AMTN: variants seen among roughly 807,000 people sequenced by gnomAD.
The protein encoded by AMTN is amelotin, also known as RSTI689.
Under a neutral mutation model 27.4 loss-of-function variants are expected in AMTN, and 29 were observed. The ratio of observed to expected loss-of-function variants is 1.06; its 90% CI spans 0.79 to 1.44. The LOEUF (loss-of-function observed/expected upper bound fraction) is 1.44. Among genes scored for constraint, AMTN ranks in the 40% most tolerant of loss-of-function variants. AMTN has a pLI of 0.00. For synonymous variants in AMTN, 86 were observed against 95.7 expected (o/e 0.90, Z 0.59); for missense variants, 247 against 248.8 (o/e 0.99, Z 0.05).
In AMTN at chr4:70,524,879, C is replaced by G; in HGVS notation, c.212C>G (p.Pro71Arg). Residue 71 changes from proline to arginine, a missense_variant, in exon 5 of 9, where the codon CCT becomes CGT. Pro to Arg is a moderately radical substitution (Grantham distance 103). Coordinates refer to ENST00000339336, the MANE Select transcript of AMTN (RefSeq NM_212557.4). The part of the protein sequence containing the change: ...TLGPDLHLLN[P>R]AAGMTPGTQT... ...TTCTTCCTTGCCCTACAGTTAAATC[C>G]TGCTGCAGGAATGACACCTGGTACC... The G allele has an allele frequency of 6.2e-7, 1 of 1,613,950 alleles. No individual in the cohort carries two copies.
chr4:70,527,486 T>C (rs955477446), intron 5 of AMTN, among the ~76,000 whole-genome samples: 2 of 152,324 alleles, frequency 1.3e-5, no homozygotes, highest in East Asian at 3.9e-4. Context: ...GTTGGGTTTT[T>C]TGTTCTTGTT....
rs755370450 is a variant in AMTN at position 70,531,080 on chromosome 4, G to A, written c.399G>A (p.Pro133=). The A allele has an allele frequency of 1.6e-5, 26 of 1,613,844 alleles. No individual in the cohort carries two copies. Among genetic ancestry groups the A allele is most frequent in the Admixed American group, 6.7e-5 (4 of 59,982 alleles). ...FTSLIIHSLF[P]GGILPTSQAG... ...GCCTCATCATCCATTCCTTGTTCCC[G>A]GGAGGCATCCTGCCCACCAGTCAGG... The change falls in exon 8 of 9, where the codon CCG becomes CCA. Residue 133 remains proline (P), a synonymous_variant. Coordinates refer to ENST00000339336, the MANE Select transcript of AMTN (RefSeq NM_212557.4).
At position 70,524,754 on chromosome 4, in the gene AMTN, G is replaced by A. The variant is rs186035530; in HGVS notation, c.205-118G>A. ...AAGTATACATGCAATAGAACACTATGTATTTACATAGCAACTCCTTCCTTT... is the reference window on the plus strand; with the variant it reads ...AAGTATACATGCAATAGAACACTATATATTTACATAGCAACTCCTTCCTTT... On this transcript the variant is annotated intron_variant, in intron 4 of 8. Coordinates refer to ENST00000339336, the MANE Select transcript of AMTN (RefSeq NM_212557.4). The A allele has an allele frequency of 5.8e-3, 5,189 of 901,526 alleles. 27 individuals carry two copies. Among genetic ancestry groups the A allele is most frequent in the Non-Finnish European group, 7.9e-3 (4,435 of 561,878 alleles). 55.8% of individuals were successfully genotyped at this position (901,526 alleles called of 1,614,324 possible).
chr4:70,528,141 C>T (rs1023671161), intron 5 of AMTN, among the ~76,000 whole-genome samples: 2 of 152,020 alleles, frequency 1.3e-5, no homozygotes, highest in Non-Finnish European at 2.9e-5. Flanking sequence ...TTGGAGACTT[C>T]TTGAGAACAA....
At position 70,528,710 on chromosome 4, in the gene AMTN, C is replaced by T. The variant is rs1450357170; in HGVS notation, c.295-13C>T. ...AGCTTACTTTTGAAAGAGTTTTTCT[C>T]TCATTTTTTCAGGTGTTACCAATTT... On this transcript the variant is annotated splice_polypyrimidine_tract_variant and intron_variant, in intron 5 of 8. Coordinates refer to ENST00000339336, the MANE Select transcript of AMTN (RefSeq NM_212557.4). The T allele has an allele frequency of 6.2e-7, 1 of 1,606,672 alleles. No homozygotes were observed. Among genetic ancestry groups the T allele is most frequent in the Non-Finnish European group, 8.5e-7 (1 of 1,176,896 alleles).
intron 7 of AMTN, among the ~76,000 whole-genome samples, chr4:70,530,556 ATCTC>A (rs1391041621): frequency 6.6e-6 from 1 of 152,194 alleles, no homozygotes; most frequent in Non-Finnish European, 1.5e-5. Flanking sequence ...CTCGATCAGA[ATCTC>A]TCTAAAAATG....
At chr4:70,523,835 C>T in intron 3 of AMTN, 33 bp from the exon 4 acceptor site, 2 of 1,569,692 alleles carry the variant, frequency 1.3e-6, no homozygotes, top group Non-Finnish European at 1.8e-6. Flanking sequence ...CAGACAACCT[C>T]TTGTCTCATA....
In AMTN at chr4:70,524,953, C is replaced by A; in HGVS notation, c.286C>A (p.His96Asn). The change falls in exon 5 of 9, where the codon CAC becomes AAC. Residue 96 changes from histidine (H) to asparagine (N), a missense_variant. Coordinates refer to ENST00000339336, the MANE Select transcript of AMTN (RefSeq NM_212557.4). ...AGGGTTGAATGTACAACAGCAACTG[C>A]ACCCACATGTAAGTTGAACAGCTGG... ...LGGLNVQQQLHPHVLPIFVTQ... is the reference protein window; with the variant it reads ...LGGLNVQQQLNPHVLPIFVTQ... The A allele has an allele frequency of 6.2e-7, 1 of 1,613,808 alleles. No individual in the cohort carries two copies. The highest frequency in any genetic ancestry group is 8.5e-7 in the Non-Finnish European group (1 of 1,179,734).
chr4:70,529,249 T>G (rs1736164504), intron 7 of AMTN, 39 bp downstream of exon 7: 1 of 1,447,450 alleles, frequency 6.9e-7, no homozygotes, highest in Non-Finnish European at 9.3e-7. Context: ...TTATTTTCAC[T>G]TCTATCACAA....
At chr4:70,519,914 G>GTA (rs1735915755) in intron 2 of AMTN, among the ~76,000 whole-genome samples, 1 of 61,072 alleles carries the variant, frequency 1.6e-5, no homozygotes, top group African/African-American at 4.1e-5. Context: ...TACTACATAC[G>GTA]TGTGTGTGTG....
chr4:70,529,097 T>C (rs1203898714), intron 6 of AMTN, 87 bp from the exon 7 acceptor site: 1 of 1,180,364 alleles, frequency 8.5e-7, no homozygotes, highest in African/African-American at 1.6e-5. Context: ...TTTGAAAGTA[T>C]TTTAAGTTTT....
rs763143860 is a variant in AMTN, at chr4:70,521,640, CTT to C, written c.55-1080_55-1079del. On this transcript the variant is annotated intron_variant, in intron 2 of 8. Coordinates refer to ENST00000339336, the MANE Select transcript of AMTN (RefSeq NM_212557.4). ...CCTAGAACAGATAATACCAACCTCTCTTTTTTTTTTTTTTTTTTTTTTTTTTT... is the reference window on the plus strand; with the variant it reads ...CCTAGAACAGATAATACCAACCTCTCTTTTTTTTTTTTTTTTTTTTTTTTT... Among the ~76,000 whole-genome samples, 57 of 76,484 alleles carry C rather than the reference CTT, an allele frequency of 7.5e-4. 5 individuals are homozygous for C. The highest frequency in any genetic ancestry group is 8.8e-3 in the Middle Eastern group (1 of 114). 50.2% of individuals were successfully genotyped at this position (76,484 alleles called of 152,430 possible).
intron 5 of AMTN, among the ~76,000 whole-genome samples, chr4:70,526,184 C>T (rs983779169): frequency 6.6e-6 from 1 of 152,138 alleles, no homozygotes; most frequent in Non-Finnish European, 1.5e-5. Context: ...ACACTGTCAA[C>T]ATTCTAGAGT....
chr4:70,524,737 A>G (rs1276763973), intron 4 of AMTN, 135 bp from the exon 5 acceptor site: 5 of 789,304 alleles, frequency 6.3e-6, no homozygotes, highest in South Asian at 1.6e-5. Flanking sequence ...CTAAGTATAC[A>G]TGCAATAGAA....
chr4:70,522,442 A>G (rs1054304489), intron 2 of AMTN, among the ~76,000 whole-genome samples: 1 of 152,168 alleles, frequency 6.6e-6, no homozygotes, highest in Non-Finnish European at 1.5e-5. Context: ...TACAGATTAT[A>G]TATTCATGTC....
chr4:70,523,637 C>T (rs969005465), intron 3 of AMTN, among the ~76,000 whole-genome samples: 2 of 152,114 alleles, frequency 1.3e-5, no homozygotes, highest in African/African-American at 4.8e-5. Flanking sequence ...AACAGTAAAT[C>T]ACAAATTTTC....
chr4:70,522,893 T>C, intron 3 of AMTN, 55 bp downstream of exon 3: 4 of 1,546,004 alleles, frequency 2.6e-6, no homozygotes, highest in South Asian at 2.2e-5. Context: ...ATACGGAACA[T>C]GTACAAACCG....
At position 70,531,312 on chromosome 4, in the gene AMTN, TA is replaced by T; in HGVS notation, c.619+13del. 6.2e-7 allele frequency: 1 copy of T among 1,613,066 alleles called. No homozygotes were observed. The highest frequency in any genetic ancestry group is 1.1e-5 in the South Asian group (1 of 91,050). ...AGAATCAGCAAATGGTAAATTCTCC[TA>T]GCTTGGAACATGCTTCTTGGCTATA... On this transcript the variant is annotated intron_variant, in intron 8 of 8. Transcript: ENST00000339336.
chr4:70,524,990 A>G, intron 5 of AMTN, 29 bp downstream of exon 5: 1 of 1,590,024 alleles, frequency 6.3e-7, no homozygotes, highest in Non-Finnish European at 8.6e-7. Flanking sequence ...CCTTAGTTTT[A>G]ACATTAGAGA....
Sources: gnomAD v4.1 joint callset for allele counts (sites outside exome capture counted in the v4.1 genomes callset) on GRCh38, gnomAD v4.1.1 for gene constraint, MANE v1.5 for transcripts, NCBI Gene and HGNC (gene_info 2026-07-23, HGNC 2026-07-21) for gene names.